Variants in ISLR2 observed in about 807,000 individuals in gnomAD.
ISLR2 encodes the protein immunoglobulin superfamily containing leucine-rich repeat protein 2.
A neutral mutation model predicts 25.5 loss-of-function variants in ISLR2; 16 were observed. The observed-to-expected ratio is 0.63, with a 90% CI of 0.43 to 0.95. The LOEUF (loss-of-function observed/expected upper bound fraction) is 0.95. Among genes scored for constraint, ISLR2 ranks in the 40% least tolerant of loss-of-function variants. The probability of loss-of-function intolerance (pLI) is 0.00; values close to 1 mark genes in which losing one functional copy is unlikely to be tolerated. For missense variants in ISLR2, 883 were observed against 1,030.7 expected (o/e 0.86, Z 1.96); for synonymous variants, 508 against 486.6 (o/e 1.04, Z -0.58).
intron 2 of ISLR2, among the ~76,000 whole-genome samples, chr15:74,104,341 T>C (rs2072103868): frequency 6.6e-6 from 1 of 152,184 alleles, no homozygotes; most frequent in East Asian, 1.9e-4. Context: ...TGTCCAGCCC[T>C]AAACATCAAC....
At chr15:74,108,356 CCT>C (rs1407306927) in intron 2 of ISLR2, among the ~76,000 whole-genome samples, 1 of 152,176 alleles carries the variant, frequency 6.6e-6, no homozygotes, top group East Asian at 1.9e-4. Context: ...CAAACAAGTC[CCT>C]GTGTGTCCCC....
chr15:74,109,728 G>C (rs2072151182), intron 2 of ISLR2, among the ~76,000 whole-genome samples: 1 of 152,134 alleles, frequency 6.6e-6, no homozygotes, highest in South Asian at 2.1e-4. Context: ...AAGTTCTCAG[G>C]TCATGGGGAT....
chr15:74,128,908 C>T, upstream of ISLR2: 1 of 418,184 alleles, frequency 2.4e-6, no homozygotes, highest in South Asian at 1.7e-5. Flanking sequence ...GTGTGCTGGC[C>T]CCGCCGTCTG....
At chr15:74,122,066 C>G (rs1405449910) in intron 2 of ISLR2, among the ~76,000 whole-genome samples, 1 of 152,224 alleles carries the variant, frequency 6.6e-6, no homozygotes, top group Admixed American at 6.5e-5. Flanking sequence ...CGAGGCCACA[C>G]CTGCCCAAGA....
chr15:74,134,891 T>C lies in ISLR2; in HGVS notation c.2137T>C (p.Phe713Leu). 6.2e-7 allele frequency: 1 copy of C among 1,613,556 alleles called. No individual in the cohort carries two copies. The highest frequency in any genetic ancestry group is 1.3e-5 in the African/African-American group (1 of 74,852). Residue 713 changes from phenylalanine (F) to leucine (L), a missense_variant, in exon 3 of 3, where the codon TTC becomes CTC. Physicochemically the swap from Phe to Leu is conservative, Grantham distance 22. This residue lies in a region of ISLR2 where 612 missense variants were observed against 642.8 expected (regional missense o/e 0.95). Coordinates refer to ENST00000453268, the MANE Select transcript of ISLR2 (RefSeq NM_020851.3). ...CCAGTCCAAGGCCAACCAAGAGGAG[T>C]TCGAGGCGGGCTCTGAGTACAGCGA... is the stretch of plus-strand genomic sequence containing the variant. ...ESQSKANQEE[F>L]EAGSEYSDRL...
chr15:74,135,030 C>T lies in ISLR2; in HGVS notation c.*38C>T. 1.9e-6 allele frequency: 3 copies of T among 1,591,298 alleles called. No homozygotes were observed. Among genetic ancestry groups the T allele is most frequent in the Non-Finnish European group, 2.6e-6 (3 of 1,167,674 alleles). On this transcript the variant is annotated 3_prime_UTR_variant, in exon 3 of 3. Transcript: ENST00000453268. ...CCGGCCCGCCCATTCCCGACCTCCA[C>T]CTAGGGTGCCTGGGAGCAGCAGTCT...
At position 74,133,730 on chromosome 15, in the gene ISLR2, C is replaced by T; in HGVS notation, c.976C>T (p.Pro326Ser). 1.2e-6 allele frequency: 2 copies of T among 1,610,656 alleles called. No homozygotes were observed. The highest frequency in any genetic ancestry group is 1.7e-6 in the Non-Finnish European group (2 of 1,178,506). Residue 326 changes from proline (P) to serine (S), a missense_variant, in exon 3 of 3, where the codon CCC (proline) becomes TCC (serine). Physicochemically the swap from Pro to Ser is moderately conservative, Grantham distance 74. This residue lies in a region of ISLR2 where 612 missense variants were observed against 642.8 expected (regional missense o/e 0.95). Coordinates refer to ENST00000453268, the MANE Select transcript of ISLR2 (RefSeq NM_020851.3). ...TPTPAPAWPAPPATPRFLALA... is the reference protein window; with the variant it reads ...TPTPAPAWPASPATPRFLALA... ...GACTCCAGCACCCGCTTGGCCGGCG[C>T]CCCCAGCCACACCGCGCTTCCTGGC...
intron 2 of ISLR2, among the ~76,000 whole-genome samples, chr15:74,112,787 T>C (rs902196781): frequency 1.3e-5 from 2 of 151,554 alleles, no homozygotes; most frequent in Non-Finnish European, 2.9e-5. Context: ...CTCAGCCTCC[T>C]AAAGTGCTCA....
chr15:74,129,101 G>C (rs75640427), upstream of ISLR2: 67 of 455,746 alleles, frequency 1.5e-4, no homozygotes, highest in South Asian at 4.2e-4. The surrounding 1 kb of genome is among the most constrained non-coding windows in gnomAD (Gnocchi z 4.5). Flanking sequence ...TGGGTCGGCG[G>C]GGGGGGACTC....
rs368574581 is a variant in ISLR2 at position 74,102,951 on chromosome 15, G to T, written n.160-895G>T. Among the ~76,000 whole-genome samples the T allele has an allele frequency of 4.6e-5, 7 of 151,766 alleles. No individual in the cohort carries two copies. The East Asian group carries it at 5.8e-4, about 13-fold the overall frequency. On this transcript the variant is annotated intron_variant and non_coding_transcript_variant, in intron 1 of 3. Transcript: ENST00000561975. The stretch of plus-strand genomic sequence containing the variant: ...GCCTTCTGAGTAGCTGGGACTACAA[G>T]CACCCACCATTGCGCCTGGCTAATT...
At chr15:74,108,853 C>G (rs1413315516) in intron 2 of ISLR2, among the ~76,000 whole-genome samples, 1 of 152,006 alleles carries the variant, frequency 6.6e-6, no homozygotes, top group African/African-American at 2.4e-5. Flanking sequence ...CTGGTGGGTA[C>G]GGACGTGGAG....
At chr15:74,100,881 T>C (rs896922656) in intron 1 of ISLR2, among the ~76,000 whole-genome samples, 1 of 151,014 alleles carries the variant, frequency 6.6e-6, no homozygotes, top group African/African-American at 2.5e-5. Flanking sequence ...TTTGCCAGTC[T>C]GATGGGTAAA....
At chr15:74,111,380 C>T (rs1449755485) in intron 2 of ISLR2, among the ~76,000 whole-genome samples, 1 of 151,996 alleles carries the variant, frequency 6.6e-6, no homozygotes, top group Non-Finnish European at 1.5e-5. Context: ...GCCTCCACCT[C>T]CTGGGTTCAA....
intron 2 of ISLR2, among the ~76,000 whole-genome samples, chr15:74,119,188 A>G (rs1453096326): frequency 6.6e-6 from 1 of 152,084 alleles, no homozygotes; most frequent in Non-Finnish European, 1.5e-5. Flanking sequence ...TAAAGACACT[A>G]GAACTATTCC....
At chr15:74,137,345 A>G (rs999574742), downstream of ISLR2, among the ~76,000 whole-genome samples, 2 of 152,196 alleles carry the variant, frequency 1.3e-5, no homozygotes, top group African/African-American at 2.4e-5. Context: ...GTAAAGCAGG[A>G]AAGGGGGAGA....
upstream of ISLR2, chr15:74,129,106 G>A (rs1033791738): frequency 6.6e-6 from 3 of 455,320 alleles, no homozygotes; most frequent in African/African-American, 4.0e-5. The surrounding 1 kb of genome is among the most constrained non-coding windows in gnomAD (Gnocchi z 4.5). Context: ...CGGCGGGGGG[G>A]GACTCCAGGC....
At chr15:74,139,116 G>T (rs1036672413), downstream of ISLR2, among the ~76,000 whole-genome samples, 6 of 152,194 alleles carry the variant, frequency 3.9e-5, no homozygotes, top group African/African-American at 1.4e-4. Flanking sequence ...TTTGTCCAGG[G>T]CCACGTATCC....
chr15:74,114,142 C>T (rs537763813), intron 2 of ISLR2, among the ~76,000 whole-genome samples: 1 of 152,314 alleles, frequency 6.6e-6, no homozygotes, highest in African/African-American at 2.4e-5. Flanking sequence ...CAGAAAAACA[C>T]AGCAGTCACT....
intron 1 of ISLR2, among the ~76,000 whole-genome samples, chr15:74,101,719 C>G (rs1364147374): frequency 2.8e-4 from 1 of 3,540 alleles, no homozygotes; most frequent in Admixed American, 2.5e-3. Flanking sequence ...TCTAGACCAG[C>G]TTGGGCAACA....
Sources: allele counts gnomAD v4.1 joint callset (sites outside exome capture counted in the v4.1 genomes callset), GRCh38; gene constraint gnomAD v4.1.1; regional missense constraint gnomAD v4.1.1; non-coding constraint Gnocchi (gnomAD v3.1); transcripts MANE v1.5; gene names NCBI Gene and HGNC (gene_info 2026-07-23, HGNC 2026-07-21).